The following MEOX2 variants were observed in gnomAD, a reference collection of about 807,000 sequenced individuals.
MEOX2 encodes the protein homeobox protein MOX-2.
In MEOX2, 11 loss-of-function variants were observed where a neutral mutation model predicts 27.0. The observed-to-expected ratio is 0.41, with a 90% CI of 0.26 to 0.68. The LOEUF (loss-of-function observed/expected upper bound fraction) is 0.68. Ranked by LOEUF, MEOX2 falls within the 30% of genes least tolerant of loss-of-function variation. The pLI is 0.33. For synonymous variants in MEOX2, 189 were observed against 155.4 expected (o/e 1.22, Z -1.61); for missense variants, 436 against 385.4 (o/e 1.13, Z -1.10).
chr7:15,624,201 C>T (rs1272815687), intron 2 of MEOX2, among the ~76,000 whole-genome samples: 2 of 152,140 alleles, frequency 1.3e-5, no homozygotes, highest in Non-Finnish European at 2.9e-5. Context: ...CCCAGGGAGG[C>T]CCTCTAAAGC....
At chr7:15,614,829 C>G (rs1361524622) in intron 2 of MEOX2, among the ~76,000 whole-genome samples, 2 of 152,040 alleles carry the variant, frequency 1.3e-5, no homozygotes, top group South Asian at 2.1e-4. Context: ...GCTATGGAGA[C>G]AGTGAAGAAA....
chr7:15,670,641 A>G (rs1454116857), intron 1 of MEOX2, among the ~76,000 whole-genome samples: 1 of 152,230 alleles, frequency 6.6e-6, no homozygotes, highest in Non-Finnish European at 1.5e-5. Context: ...AATTTTATTT[A>G]GTTAAAATTT....
At position 15,646,860 on chromosome 7, in the gene MEOX2, T is replaced by G. The variant is rs542858338; in HGVS notation, c.518-19942A>C. 3.9e-5 allele frequency among the ~76,000 whole-genome samples: 6 copies of G among 152,080 alleles called. No homozygotes were observed. In the East Asian group the frequency reaches 1.2e-3, roughly 29 times the overall value. On this transcript the variant is annotated intron_variant, in intron 1 of 2. Coordinates refer to ENST00000262041, the MANE Select transcript of MEOX2 (RefSeq NM_005924.5). ...ATTTTAATTAATGTTTTCTATTTAT[T>G]AATATTCTGTTATCTTCAAGACACT...
At chr7:15,642,441 A>T (rs966969346) in intron 1 of MEOX2, among the ~76,000 whole-genome samples, 3 of 151,958 alleles carry the variant, frequency 2.0e-5, no homozygotes, top group Non-Finnish European at 4.4e-5. Flanking sequence ...AATTTCCTTT[A>T]GTGCATTTTT....
At chr7:15,641,564 C>T (rs1279220669) in intron 1 of MEOX2, among the ~76,000 whole-genome samples, 1 of 152,078 alleles carries the variant, frequency 6.6e-6, no homozygotes, top group Non-Finnish European at 1.5e-5. Flanking sequence ...TTTTTTACAT[C>T]CAGTTTGCCA....
chr7:15,636,987 G>T (rs1262806390), intron 1 of MEOX2, among the ~76,000 whole-genome samples: 1 of 151,926 alleles, frequency 6.6e-6, no homozygotes, highest in Admixed American at 6.6e-5. Flanking sequence ...TTGCCCTGGG[G>T]ATCAAGTTTT....
intron 1 of MEOX2, among the ~76,000 whole-genome samples, chr7:15,662,527 G>A (rs1781933707): frequency 6.6e-6 from 1 of 151,944 alleles, no homozygotes; most frequent in Admixed American, 6.6e-5. Context: ...AAAGAATAGA[G>A]ACAAAAGGAC....
At chr7:15,682,587 T>G (rs979097290) in intron 1 of MEOX2, among the ~76,000 whole-genome samples, 9 of 151,896 alleles carry the variant, frequency 5.9e-5, no homozygotes, top group Non-Finnish European at 1.0e-4. Context: ...GTATCATAAA[T>G]TTGAATAGAA....
chr7:15,631,406 A>AT (rs1191768728), intron 1 of MEOX2, among the ~76,000 whole-genome samples: 1 of 151,874 alleles, frequency 6.6e-6, no homozygotes, highest in East Asian at 1.9e-4. Flanking sequence ...AAGATAGATT[A>AT]TTTTTTATTA....
At chr7:15,665,905 G>A (rs775369101) in intron 1 of MEOX2, among the ~76,000 whole-genome samples, 1 of 151,968 alleles carries the variant, frequency 6.6e-6, no homozygotes, top group Admixed American at 6.6e-5. Flanking sequence ...ATACTCAATG[G>A]GATGCTATTA....
At chr7:15,652,734 C>G (rs1277919598) in intron 1 of MEOX2, among the ~76,000 whole-genome samples, 1 of 151,874 alleles carries the variant, frequency 6.6e-6, no homozygotes, top group Non-Finnish European at 1.5e-5. Flanking sequence ...CATTGTTAGT[C>G]TTTGGGGAAT....
At chr7:15,663,225 T>C (rs1391841709) in intron 1 of MEOX2, among the ~76,000 whole-genome samples, 1 of 152,194 alleles carries the variant, frequency 6.6e-6, no homozygotes. Context: ...TAATTATAAA[T>C]TCATTATTGA....
chr7:15,617,839 G>A (rs10254079), intron 2 of MEOX2, among the ~76,000 whole-genome samples: 102,304 of 151,880 alleles, frequency 0.67, 34,677 homozygotes, highest in East Asian at 0.81. Flanking sequence ...AAGTCTTGTG[G>A]ATCAGGCTCA....
intron 1 of MEOX2, among the ~76,000 whole-genome samples, chr7:15,671,563 A>G (rs931553527): frequency 6.6e-6 from 1 of 152,046 alleles, no homozygotes; most frequent in Non-Finnish European, 1.5e-5. Context: ...ACCCCTCACT[A>G]TCATTTCTCC....
chr7:15,650,368 T>C (rs1781716380), intron 1 of MEOX2, among the ~76,000 whole-genome samples: 1 of 152,066 alleles, frequency 6.6e-6, no homozygotes, highest in Admixed American at 6.6e-5. Context: ...TTCAGCATCT[T>C]GTGCTAAGAT....
intron 1 of MEOX2, among the ~76,000 whole-genome samples, chr7:15,670,693 T>A (rs1431742539): frequency 6.6e-6 from 1 of 152,208 alleles, no homozygotes. Flanking sequence ...CCATACTACA[T>A]GACATAAAAC....
At chr7:15,668,146 TGTAG>T (rs1583784132) in intron 1 of MEOX2, 1 of 152,246 alleles carries the variant, frequency 6.6e-6, no homozygotes, top group East Asian at 1.9e-4. Context: ...GTGGAAACTG[TGTAG>T]GTCTACTTAT....
Position 15,611,791 on chromosome 7 carries a change from A to G in MEOX2, c.*596T>C, listed in dbSNP as rs1781035627. On this transcript the variant is annotated 3_prime_UTR_variant, in exon 3 of 3. Coordinates refer to ENST00000262041, the MANE Select transcript of MEOX2 (RefSeq NM_005924.5). ...TGAGTGCCTATTTTCATCAGCTAAT[A>G]TGAATGCATTGCTAAATTAGTGAAG... 1 of 153,370 alleles carries G rather than the reference A, an allele frequency of 6.5e-6. No homozygotes were observed. The highest frequency in any genetic ancestry group is 2.4e-5 in the African/African-American group (1 of 41,462). 9.5% of individuals were successfully genotyped at this position (153,370 alleles called of 1,614,324 possible). A position where few individuals can be genotyped will look rare whatever the true frequency, so the allele number is the denominator to read the frequency against.
At chr7:15,616,153 T>C (rs1252700215) in intron 2 of MEOX2, among the ~76,000 whole-genome samples, 2 of 151,796 alleles carry the variant, frequency 1.3e-5, no homozygotes, top group African/African-American at 4.8e-5. Context: ...TATAAGAATA[T>C]GCATTTGATT....
Sources: gnomAD v4.1 joint callset for allele counts (sites outside exome capture counted in the v4.1 genomes callset) on GRCh38, gnomAD v4.1.1 for gene constraint, MANE v1.5 for transcripts, NCBI Gene and HGNC (gene_info 2026-07-23, HGNC 2026-07-21) for gene names.